Variants in NELL1 observed in about 807,000 individuals in gnomAD.
NELL1 encodes protein kinase C-binding protein NELL1.
A neutral mutation model predicts 107.4 loss-of-function variants in NELL1; 76 were observed. The observed-to-expected ratio is 0.71, with a 90% CI of 0.59 to 0.86. The LOEUF (loss-of-function observed/expected upper bound fraction) is 0.86, where lower values mean the gene tolerates loss of function less well. NELL1 is among the 40% of genes least tolerant of loss of function. NELL1 has a pLI of 0.00. For missense variants in NELL1, 1,024 were observed against 1,005.5 expected (o/e 1.02, Z -0.25); for synonymous variants, 353 against 341.2 (o/e 1.03, Z -0.38).
intron 4 of NELL1, among the ~76,000 whole-genome samples, chr11:20,868,313 C>T (rs556283529): frequency 6.6e-6 from 1 of 152,050 alleles, no homozygotes; most frequent in Non-Finnish European, 1.5e-5. Flanking sequence ...AAGATTTCAT[C>T]TATATGAAAT....
chr11:21,183,435 G>A lies in NELL1; in HGVS notation c.1427-45897G>A, dbSNP rs545059353. The stretch of plus-strand genomic sequence containing the variant: ...GGTCAGCTGAACAAATAAAGCTTGC[G>A]AATGAGAATATTATTCAGGAGAAGG... On this transcript the variant is annotated intron_variant, in intron 13 of 19. Transcript: ENST00000357134. Among the ~76,000 whole-genome samples, 15 of 152,028 alleles carry A rather than the reference G, an allele frequency of 9.9e-5. No individual in the cohort carries two copies. The East Asian group carries it at 1.5e-3, about 16-fold the overall frequency.
At chr11:21,536,696 C>T (rs1443004068) in intron 16 of NELL1, among the ~76,000 whole-genome samples, 1 of 151,892 alleles carries the variant, frequency 6.6e-6, no homozygotes, top group African/African-American at 2.4e-5. Context: ...TCAATCATAT[C>T]ATGTGATCAA....
At chr11:21,082,031 T>C (rs1336960884) in intron 12 of NELL1, among the ~76,000 whole-genome samples, 1 of 152,136 alleles carries the variant, frequency 6.6e-6, no homozygotes, top group Non-Finnish European at 1.5e-5. Flanking sequence ...ACCATTTTCT[T>C]CCTAACAGCA....
chr11:21,155,372 T>A (rs1275946670), intron 13 of NELL1, among the ~76,000 whole-genome samples: 1 of 152,114 alleles, frequency 6.6e-6, no homozygotes, highest in Non-Finnish European at 1.5e-5. Flanking sequence ...TATATTTGGA[T>A]GTTGTGAAGA....
chr11:21,337,835 T>G (rs58481635), intron 14 of NELL1, among the ~76,000 whole-genome samples: 11,707 of 36,804 alleles, frequency 0.32, 770 homozygotes, highest in South Asian at 0.39. Context: ...TTTCTTTCTT[T>G]CTTTTCTTTC....
intron 14 of NELL1, among the ~76,000 whole-genome samples, chr11:21,358,760 G>A (rs562689573): frequency 2.8e-4 from 43 of 151,606 alleles, no homozygotes; most frequent in African/African-American, 1.0e-3. Context: ...CTGTTGTAAA[G>A]GGGATTGAGT....
intron 15 of NELL1, among the ~76,000 whole-genome samples, chr11:21,452,804 TA>T (rs1853621096): frequency 6.6e-6 from 1 of 152,028 alleles, no homozygotes; most frequent in Non-Finnish European, 1.5e-5. Flanking sequence ...CTCAGTACTA[TA>T]AATTACCTTT....
intron 14 of NELL1, among the ~76,000 whole-genome samples, chr11:21,317,749 A>G (rs1849910996): frequency 6.6e-6 from 1 of 152,066 alleles, no homozygotes; most frequent in South Asian, 2.1e-4. Context: ...TACTTTTTCT[A>G]AATGTTTGTG....
chr11:21,157,970 G>T (rs902873847), intron 13 of NELL1, among the ~76,000 whole-genome samples: 2 of 152,114 alleles, frequency 1.3e-5, no homozygotes, highest in Non-Finnish European at 2.9e-5. Flanking sequence ...ATTAGCATTT[G>T]AGTCAGTGGA....
intron 4 of NELL1, among the ~76,000 whole-genome samples, chr11:20,860,255 T>TC (rs1328791622): frequency 5.3e-5 from 8 of 152,240 alleles, no homozygotes; most frequent in African/African-American, 1.9e-4. Context: ...TAATTTTTGA[T>TC]CATTTGATTG....
intron 14 of NELL1, among the ~76,000 whole-genome samples, chr11:21,315,522 A>G (rs1443443775): frequency 6.6e-6 from 1 of 152,182 alleles, no homozygotes; most frequent in Non-Finnish European, 1.5e-5. Context: ...CACTCTGCTT[A>G]AGGTAATGCT....
In NELL1 at chr11:20,786,034, A is replaced by ATT. The variant is rs758634001; in HGVS notation, c.335+2204_335+2205insTT. ...TTTCATTGTAATAGAAAAACTTCAG[A>ATT]ATTTTTTTTTTTTTTTTTTGAGAAA... On this transcript the variant is annotated intron_variant, in intron 3 of 19. Coordinates refer to ENST00000357134, the MANE Select transcript of NELL1 (RefSeq NM_006157.5). Among the ~76,000 whole-genome samples the ATT allele has an allele frequency of 2.7e-3, 278 of 104,200 alleles. 2 individuals are homozygous for ATT. The highest frequency in any genetic ancestry group is 5.5e-3 in the Admixed American group (37 of 6,756). 68.4% of individuals were successfully genotyped at this position (104,200 alleles called of 152,430 possible).
At chr11:20,918,825 GA>G (rs1165829593) in intron 6 of NELL1, among the ~76,000 whole-genome samples, 1 of 151,898 alleles carries the variant, frequency 6.6e-6, no homozygotes, top group African/African-American at 2.4e-5. Context: ...ACTAAAATTT[GA>G]AAAGAAGAGG....
At chr11:21,037,730 TC>T (rs1209665479) in intron 12 of NELL1, among the ~76,000 whole-genome samples, 1 of 152,132 alleles carries the variant, frequency 6.6e-6, no homozygotes, top group Non-Finnish European at 1.5e-5. Flanking sequence ...CTCTTTTCAG[TC>T]CCTCCCTCCT....
chr11:21,151,170 C>T lies in NELL1; in HGVS notation c.1426+37456C>T, dbSNP rs560522913. ...ATATCAGGTATTTTTCCCAGAGCAC[C>T]CAGGTTGAATACCCTGTGGCCTAGC... is the stretch of plus-strand genomic sequence containing the variant. On this transcript the variant is annotated intron_variant, in intron 13 of 19. Coordinates refer to ENST00000357134, the MANE Select transcript of NELL1 (RefSeq NM_006157.5). Among the ~76,000 whole-genome samples, 8 of 152,228 alleles carry T rather than the reference C, an allele frequency of 5.3e-5. No homozygotes were observed. The East Asian group carries it at 9.7e-4, about 18-fold the overall frequency.
chr11:20,847,902 G>T (rs1848728848), intron 4 of NELL1, 149 bp downstream of exon 4: 3 of 791,468 alleles, frequency 3.8e-6, no homozygotes, highest in African/African-American at 1.8e-5. Context: ...GGGACCTTAG[G>T]CATGCTGAAA....
At chr11:21,171,303 C>T (rs528489421) in intron 13 of NELL1, among the ~76,000 whole-genome samples, 1 of 151,874 alleles carries the variant, frequency 6.6e-6, no homozygotes, top group African/African-American at 2.4e-5. Context: ...TAATTATACA[C>T]ACACACATAC....
intron 12 of NELL1, among the ~76,000 whole-genome samples, chr11:21,004,123 A>G (rs1226400900): frequency 6.6e-6 from 1 of 152,102 alleles, no homozygotes; most frequent in Admixed American, 6.6e-5. Context: ...TGCACTTTAT[A>G]GTACTTGTGG....
At chr11:21,068,950 G>A (rs1343128969) in intron 12 of NELL1, among the ~76,000 whole-genome samples, 4 of 152,132 alleles carry the variant, frequency 2.6e-5, no homozygotes, top group Non-Finnish European at 5.9e-5. Flanking sequence ...CTCTAAACAT[G>A]GGTGTATACA....
Sources: gnomAD v4.1 joint callset for allele counts (sites outside exome capture counted in the v4.1 genomes callset) on GRCh38, gnomAD v4.1.1 for gene constraint, MANE v1.5 for transcripts, NCBI Gene and HGNC (gene_info 2026-07-23, HGNC 2026-07-21) for gene names.